The following ABCG2 variants were observed in gnomAD, a reference collection of about 807,000 sequenced individuals.
ABCG2 encodes broad substrate specificity ATP-binding cassette transporter ABCG2.
In ABCG2, 80 loss-of-function variants were observed where a neutral mutation model predicts 73.5. The ratio of observed to expected loss-of-function variants is 1.09; its 90% CI spans 0.91 to 1.31. The LOEUF (loss-of-function observed/expected upper bound fraction) is 1.31. ABCG2 is among the 50% of genes most tolerant of loss of function. The probability of loss-of-function intolerance (pLI) is 0.00; values close to 1 mark genes in which losing one functional copy is unlikely to be tolerated. For missense variants in ABCG2, 796 were observed against 786.2 expected (o/e 1.01, Z -0.15); for synonymous variants, 269 against 282.4 (o/e 0.95, Z 0.48).
At chr4:88,148,373 G>C (rs1726194933) in intron 1 of ABCG2, among the ~76,000 whole-genome samples, 1 of 152,082 alleles carries the variant, frequency 6.6e-6, no homozygotes, top group Admixed American at 6.6e-5. Context: ...AGATATGTTG[G>C]GTCATGTATA....
rs1364474060 is a variant in ABCG2 at position 88,099,386 on chromosome 4, T to C, written c.1430A>G (p.Asp477Gly). ...SSYFLGKLLS[D>G]LLPMRMLPSI... The stretch of plus-strand genomic sequence containing the variant: ...TGGTAACATCCTCATGGGTAATAAA[T>C]CAGATAACAGTTTTCCAAGGAAATA... The change falls in exon 12 of 16, where the codon GAT becomes GGT. Residue 477 changes from aspartate to glycine, a missense_variant. Physicochemically the swap from Asp to Gly is moderately conservative, Grantham distance 94. Coordinates refer to ENST00000237612, the MANE Select transcript of ABCG2 (RefSeq NM_004827.3). 4 of 1,612,242 alleles carry C rather than the reference T, an allele frequency of 2.5e-6. No homozygotes were observed. The Admixed American group carries it at 6.7e-5, about 27-fold the overall frequency.
chr4:88,177,101 A>G (rs1728020126), intron 1 of ABCG2, among the ~76,000 whole-genome samples: 1 of 152,200 alleles, frequency 6.6e-6, no homozygotes, highest in African/African-American at 2.4e-5. Context: ...GGCCGGGCGC[A>G]GTGGCTCACG....
intron 9 of ABCG2, among the ~76,000 whole-genome samples, chr4:88,108,519 G>A (rs1012333440): frequency 3.3e-5 from 5 of 152,032 alleles, no homozygotes; most frequent in South Asian, 2.1e-4. Flanking sequence ...GCGACAGAGC[G>A]ATACTGTCTC....
At chr4:88,153,676 A>G (rs1363522006) in intron 1 of ABCG2, among the ~76,000 whole-genome samples, 1 of 152,088 alleles carries the variant, frequency 6.6e-6, no homozygotes, top group Non-Finnish European at 1.5e-5. Context: ...GTCTGACAGA[A>G]GGGAAGATAT....
intron 1 of ABCG2, among the ~76,000 whole-genome samples, chr4:88,193,834 TC>T (rs1430617359): frequency 6.6e-6 from 1 of 152,164 alleles, no homozygotes; most frequent in Non-Finnish European, 1.5e-5. Flanking sequence ...AACCTCCACT[TC>T]CTGGATTCAA....
chr4:88,102,662 C>T (rs546822142), intron 10 of ABCG2, among the ~76,000 whole-genome samples: 1 of 151,246 alleles, frequency 6.6e-6, no homozygotes, highest in South Asian at 2.1e-4. Context: ...CACTTTGATA[C>T]AAATATGCAT....
intron 1 of ABCG2, among the ~76,000 whole-genome samples, chr4:88,199,861 C>A (rs962257989): frequency 3.3e-5 from 5 of 151,796 alleles, no homozygotes; most frequent in African/African-American, 1.2e-4. Flanking sequence ...ATTAGCCGGG[C>A]GTGGTCGTGG....
chr4:88,129,000 T>C (rs1193946072), intron 5 of ABCG2, among the ~76,000 whole-genome samples: 1 of 152,142 alleles, frequency 6.6e-6, no homozygotes, highest in African/African-American at 2.4e-5. Flanking sequence ...TTCAGAACAC[T>C]AAAAGATAGG....
At chr4:88,199,902 T>C (rs1396124012) in intron 1 of ABCG2, among the ~76,000 whole-genome samples, 1 of 152,116 alleles carries the variant, frequency 6.6e-6, no homozygotes, top group Admixed American at 6.5e-5. Context: ...TCCGGGAGGC[T>C]GAGGCGGGAG....
intron 1 of ABCG2, 50 bp from the exon 2 acceptor site, chr4:88,140,064 G>T: frequency 2.7e-6 from 4 of 1,455,262 alleles, no homozygotes; most frequent in Non-Finnish European, 3.8e-6. Flanking sequence ...AAATGAGATT[G>T]CAAACACTAG....
intron 1 of ABCG2, among the ~76,000 whole-genome samples, chr4:88,172,494 A>G (rs1341981354): frequency 1.4e-5 from 2 of 144,024 alleles, no homozygotes; most frequent in Non-Finnish European, 3.0e-5. Context: ...AAGGAGAATC[A>G]CTTGAACCAA....
intron 1 of ABCG2, among the ~76,000 whole-genome samples, chr4:88,189,079 G>C (rs1728580773): frequency 2.0e-5 from 3 of 151,982 alleles, no homozygotes; most frequent in Non-Finnish European, 4.4e-5. Context: ...CTGCATATTC[G>C]TTTACATTTT....
rs1208930689 is a variant in ABCG2, at chr4:88,091,465, G to C, written c.*769C>G. ...CTGGAGCTACTTAGGCCAGATTTTT[G>C]TATTTTAGCAAAGTTCCTCAGATGA... On this transcript the variant is annotated 3_prime_UTR_variant, in exon 16 of 16. Transcript: ENST00000237612. 6.6e-6 allele frequency: 1 copy of C among 152,108 alleles called. No individual in the cohort carries two copies. The highest frequency in any genetic ancestry group is 1.5e-5 in the Non-Finnish European group (1 of 67,998). 9.4% of individuals were successfully genotyped at this position (152,108 alleles called of 1,614,324 possible).
In ABCG2 at chr4:88,090,645, G is replaced by A. The variant is rs539917181; in HGVS notation, c.*1589C>T. 7 of 152,306 alleles carry A rather than the reference G, an allele frequency of 4.6e-5. No homozygotes were observed. Among genetic ancestry groups the A allele is most frequent in the Admixed American group, 1.3e-4 (2 of 15,298 alleles). The allele number at this position is 152,306 out of a possible 1,614,324, so 9.4% of individuals were successfully genotyped here. On this transcript the variant is annotated 3_prime_UTR_variant, in exon 16 of 16. Coordinates refer to ENST00000237612, the MANE Select transcript of ABCG2 (RefSeq NM_004827.3). ...TGAATTCCAAGATGACCAGTGTCAG[G>A]GCGTCTATACACCATGATGCCCCAG...
At chr4:88,215,465 T>G (rs1326184118) in intron 1 of ABCG2, among the ~76,000 whole-genome samples, 1 of 152,198 alleles carries the variant, frequency 6.6e-6, no homozygotes, top group African/African-American at 2.4e-5. Context: ...CTTGACTCTT[T>G]TGGGAGGATT....
intron 5 of ABCG2, 135 bp from the exon 6 acceptor site, chr4:88,121,927 T>G (rs974800872): frequency 2.4e-6 from 2 of 839,848 alleles, no homozygotes. Flanking sequence ...AATAAGTGGA[T>G]ACCTGGTAGA....
At chr4:88,216,788 G>A (rs1729830774) in intron 1 of ABCG2, among the ~76,000 whole-genome samples, 1 of 152,150 alleles carries the variant, frequency 6.6e-6, no homozygotes, top group Non-Finnish European at 1.5e-5. Flanking sequence ...CCAGCACTTT[G>A]GGAGGCCGAG....
intron 1 of ABCG2, among the ~76,000 whole-genome samples, chr4:88,208,934 G>T (rs1475716002): frequency 2.0e-5 from 3 of 151,980 alleles, no homozygotes; most frequent in Admixed American, 2.0e-4. Context: ...CCTGGGAGGC[G>T]GAGGTTACAG....
intron 1 of ABCG2, among the ~76,000 whole-genome samples, chr4:88,170,903 G>A (rs1424389177): frequency 6.6e-6 from 1 of 152,128 alleles, no homozygotes; most frequent in South Asian, 2.1e-4. Context: ...ATACCATGAG[G>A]GTGTAAGACA....
Sources: allele counts gnomAD v4.1 joint callset (sites outside exome capture counted in the v4.1 genomes callset), GRCh38; gene constraint gnomAD v4.1.1; transcripts MANE v1.5; gene names NCBI Gene and HGNC (gene_info 2026-07-23, HGNC 2026-07-21).